Variants in COX20 observed in about 807,000 individuals in gnomAD.
The protein encoded by COX20 is cytochrome c oxidase assembly factor COX20, also known as cytochrome c oxidase assembly protein COX20, mitochondrial.
Under a neutral mutation model 14.3 loss-of-function variants are expected in COX20, and 14 were observed. That is an observed-to-expected ratio of 0.98 (90% CI 0.65 to 1.53). The LOEUF is 1.53. COX20 is among the 40% of genes most tolerant of loss of function. COX20 has a pLI of 0.00. For missense variants in COX20, 149 were observed against 142.1 expected (o/e 1.05, Z -0.25); for synonymous variants, 56 against 51.7 (o/e 1.08, Z -0.36).
rs1195563957 is a variant in COX20, at chr1:244,842,001, A to G, written c.100A>G (p.Ile34Val). The change falls in exon 2 of 4, where the codon ATA becomes GTA. Residue 34 changes from isoleucine (I) to valine (V), a missense_variant. Physicochemically the swap from Ile to Val is conservative, Grantham distance 29. Coordinates refer to ENST00000411948, the MANE Select transcript of COX20 (RefSeq NM_198076.6). ...AAATACTCCCTGCGCCCGGCATTCA[A>G]TATTGTATGGTTCATTAGGATCTGT... ...VENTPCARHS[I>V]LYGSLGSVVA... 1.9e-6 allele frequency: 3 copies of G among 1,612,356 alleles called. No homozygotes were observed. The highest frequency in any genetic ancestry group is 1.3e-5 in the African/African-American group (1 of 74,846).
chr1:244,835,924 C>CT (rs1457965328), intron 1 of COX20, among the ~76,000 whole-genome samples, 168 bp downstream of exon 1: 3 of 152,170 alleles, frequency 2.0e-5, no homozygotes, highest in African/African-American at 7.2e-5. Context: ...ACATTTTAAT[C>CT]TAAGTGGCCG....
chr1:244,835,682 G>A lies in COX20; in HGVS notation c.-33G>A. ...GGCTTCTGCTTCCGCGACCCCGGCG[G>A]TGCAGGGCGGGTGGAGTCGCGGAGT... is the stretch of plus-strand genomic sequence containing the variant. On this transcript the variant is annotated 5_prime_UTR_variant, in exon 1 of 4. It adds an upstream start codon to the 5' untranslated region. Coordinates refer to ENST00000411948, the MANE Select transcript of COX20 (RefSeq NM_198076.6). The A allele has an allele frequency of 8.0e-7, 1 of 1,244,022 alleles. No homozygotes were observed. Among genetic ancestry groups the A allele is most frequent in the Non-Finnish European group, 1.0e-6 (1 of 993,448 alleles). 77.1% of individuals were successfully genotyped at this position (1,244,022 alleles called of 1,614,324 possible).
In COX20 at chr1:244,835,744, CGAG is replaced by C. The variant is rs1026948029; in HGVS notation, c.34_36del (p.Glu12del). The C allele has an allele frequency of 1.3e-5, 16 of 1,271,150 alleles. No individual in the cohort carries two copies. Among genetic ancestry groups the C allele is most frequent in the South Asian group, 2.8e-5 (1 of 35,222 alleles). The allele number at this position is 1,271,150 out of a possible 1,614,324, so 78.7% of individuals were successfully genotyped here. The stretch of plus-strand genomic sequence containing the variant: ...CCGCCCCGCCGGAGCCCGGTGAGCC[CGAG>C]GAGAGGAAGGTAACCTGGGGGTCGG... On this transcript the variant is annotated inframe_deletion, in exon 1 of 4. Coordinates refer to ENST00000411948, the MANE Select transcript of COX20 (RefSeq NM_198076.6).
chr1:244,835,449 TCTC>T (rs1024644551), upstream of COX20: 1 of 359,376 alleles, frequency 2.8e-6, no homozygotes, highest in Non-Finnish European at 4.9e-6. Context: ...TCCGAACCCA[TCTC>T]CTTCCGCTCT....
chr1:244,835,736 G>T lies in COX20; in HGVS notation c.22G>T (p.Gly8Cys). ...CCTCATGGCCGCCCCGCCGGAGCCC[G>T]GTGAGCCCGAGGAGAGGAAGGTAAC... MAAPPEPGEPEERKSLKL... is the reference protein window; with the variant it reads MAAPPEPCEPEERKSLKL... The change falls in exon 1 of 4, where the codon GGT (glycine) becomes TGT (cysteine). Residue 8 changes from glycine (G) to cysteine (C), a missense_variant. By Grantham distance (159) the Gly-to-Cys change is radical. Coordinates refer to ENST00000411948, the MANE Select transcript of COX20 (RefSeq NM_198076.6). The T allele has an allele frequency of 7.8e-7, 1 of 1,274,654 alleles. No individual in the cohort carries two copies. The highest frequency in any genetic ancestry group is 2.8e-5 in the South Asian group (1 of 36,092). The allele number at this position is 1,274,654 out of a possible 1,614,324, so 79.0% of individuals were successfully genotyped here.
Position 244,842,270 on chromosome 1 carries a change from A to T in COX20, c.221+12A>T. ...ACTTTGGGATGCTGGTATGTTTGCT[A>T]AGTATTCAAGAACATCCATGATTAT... On this transcript the variant is annotated intron_variant, in intron 3 of 3. Coordinates refer to ENST00000411948, the MANE Select transcript of COX20 (RefSeq NM_198076.6). 4.5e-6 allele frequency: 7 copies of T among 1,566,418 alleles called. No homozygotes were observed. The highest frequency in any genetic ancestry group is 6.2e-6 in the Non-Finnish European group (7 of 1,136,616).
intron 1 of COX20, among the ~76,000 whole-genome samples, chr1:244,836,974 AAAG>A (rs1231321405): frequency 2.0e-5 from 3 of 152,210 alleles, no homozygotes; most frequent in Non-Finnish European, 2.9e-5. Context: ...AAAAAAAAAA[AAAG>A]ATCTTTGCAT....
rs766392214 is a variant in COX20 at position 244,842,183 on chromosome 1, T to A, written c.158-12T>A. On this transcript the variant is annotated splice_polypyrimidine_tract_variant and intron_variant, in intron 2 of 3. Transcript: ENST00000411948. ...ATTATATTCTAATTAATTGTTATGC[T>A]TATTTTTACAGGTAGAATTAGAAGA... 1 of 1,580,592 alleles carries A rather than the reference T, an allele frequency of 6.3e-7. No homozygotes were observed. The highest frequency in any genetic ancestry group is 2.2e-5 in the East Asian group (1 of 44,714).
At position 244,843,053 on chromosome 1, in the gene COX20, G is replaced by A. The variant is rs747702163; in HGVS notation, c.234G>A (p.Arg78=). ...CTTTTCTTCTAAGGTTTCATTGTAG[G>A]TATAATTATGCAAAGCAAAGAATCC... is the stretch of plus-strand genomic sequence containing the variant. The part of the protein sequence containing the change: ...LVTLGCWFHC[R]YNYAKQRIQE... Residue 78 remains arginine, a synonymous_variant, in exon 4 of 4, where the codon AGG becomes AGA. Transcript: ENST00000411948. 1.8e-5 allele frequency: 29 copies of A among 1,569,412 alleles called. No individual in the cohort carries two copies. In the East Asian group the frequency reaches 3.4e-4, roughly 19 times the overall value.
intron 1 of COX20, chr1:244,836,559 T>G (rs1453851705): frequency 6.6e-7 from 1 of 1,517,878 alleles, no homozygotes; most frequent in Admixed American, 2.0e-5. Flanking sequence ...CCTGGGCTCC[T>G]TATTAAGAGC....
At position 244,843,945 on chromosome 1, in the gene COX20, C is replaced by A. The variant is rs1030363302; in HGVS notation, c.*769C>A. Reference sequence around the variant, plus strand: ...AACTAAATCCTCAGGATTTATTCTCCGGGAGAAATTATCCCTTTCTAGGAA... The same window carrying A: ...AACTAAATCCTCAGGATTTATTCTCAGGGAGAAATTATCCCTTTCTAGGAA... On this transcript the variant is annotated 3_prime_UTR_variant, in exon 4 of 4. Transcript: ENST00000411948. 1 of 152,230 alleles carries A rather than the reference C, an allele frequency of 6.6e-6. No individual in the cohort carries two copies. Among genetic ancestry groups the A allele is most frequent in the Non-Finnish European group, 1.5e-5 (1 of 68,022 alleles). The allele number at this position is 152,230 out of a possible 1,614,324, so 9.4% of individuals were successfully genotyped here.
In COX20 at chr1:244,837,318, T is replaced by C. The variant is rs534263190; in HGVS notation, c.42+1562T>C. Among the ~76,000 whole-genome samples the C allele has an allele frequency of 2.0e-5, 3 of 152,210 alleles. No individual in the cohort carries two copies. The South Asian group carries it at 6.2e-4, about 32-fold the overall frequency. ...AAAAGCTAATTAAATTAATAGAAGC[T>C]ATGATGAATTAACAGCCCAAGGTGC... On this transcript the variant is annotated intron_variant, in intron 1 of 3. Transcript: ENST00000411948.
Position 244,843,275 on chromosome 1 carries a change from G to C in COX20, c.*99G>C. 7.2e-7 allele frequency: 1 copy of C among 1,388,868 alleles called. No homozygotes were observed. Among genetic ancestry groups the C allele is most frequent in the East Asian group, 2.6e-5 (1 of 38,120 alleles). The allele number at this position is 1,388,868 out of a possible 1,614,324, so 86.0% of individuals were successfully genotyped here. On this transcript the variant is annotated 3_prime_UTR_variant, in exon 4 of 4. Coordinates refer to ENST00000411948, the MANE Select transcript of COX20 (RefSeq NM_198076.6). ...TCTCAATCAAGTAAATAAAGTTTAAGTTGTAGTCATTTTTTTCCCACACTT... is the reference window on the plus strand; with the variant it reads ...TCTCAATCAAGTAAATAAAGTTTAACTTGTAGTCATTTTTTTCCCACACTT...
rs192100928 is a variant in COX20 at position 244,835,765 on chromosome 1, G to A, written c.42+9G>A. On this transcript the variant is annotated intron_variant, in intron 1 of 3. Coordinates refer to ENST00000411948, the MANE Select transcript of COX20 (RefSeq NM_198076.6). ...AGCCCGAGGAGAGGAAGGTAACCTG[G>A]GGGTCGGCGGGGCGCGCGCCGCGGG... 26,054 of 1,255,116 alleles carry A rather than the reference G, an allele frequency of 0.021. 307 individuals carry two copies. The highest frequency in any genetic ancestry group is 0.03 in the Middle Eastern group (124 of 4,168). The allele number at this position is 1,255,116 out of a possible 1,614,324, so 77.7% of individuals were successfully genotyped here.
chr1:244,835,694 TG>T lies in COX20; in HGVS notation c.-19del. On this transcript the variant is annotated 5_prime_UTR_variant, in exon 1 of 4. Coordinates refer to ENST00000411948, the MANE Select transcript of COX20 (RefSeq NM_198076.6). ...CGCGACCCCGGCGGTGCAGGGCGGG[TG>T]GAGTCGCGGAGTAGTCCTCATGGCC... 8.0e-7 allele frequency: 1 copy of T among 1,250,840 alleles called. No individual in the cohort carries two copies. The highest frequency in any genetic ancestry group is 3.2e-5 in the South Asian group (1 of 31,138). The allele number at this position is 1,250,840 out of a possible 1,614,324, so 77.5% of individuals were successfully genotyped here. A position where few individuals can be genotyped will look rare whatever the true frequency, so the allele number is the denominator to read the frequency against.
intron 3 of COX20, 139 bp from the exon 4 acceptor site, chr1:244,842,902 C>A: frequency 1.6e-6 from 1 of 609,084 alleles, no homozygotes; most frequent in Non-Finnish European, 2.7e-6. Flanking sequence ...CCAAAAATAG[C>A]ACTATAAATT....
At chr1:244,835,407 A>T, upstream of COX20, 2 of 321,750 alleles carry the variant, frequency 6.2e-6, no homozygotes, top group Non-Finnish European at 1.1e-5. Flanking sequence ...TTACGCCCCC[A>T]CCTCGCCAGG....
At chr1:244,835,803 A>G in intron 1 of COX20, 47 bp downstream of exon 1, 1 of 1,227,502 alleles carries the variant, frequency 8.1e-7, no homozygotes, top group Non-Finnish European at 1.0e-6. Context: ...GGCGGTGGGT[A>G]AGGACGTTCT....
In COX20 at chr1:244,842,061, G is replaced by C. The variant is rs367956888; in HGVS notation, c.157+3G>C. On this transcript the variant is annotated splice_donor_region_variant and intron_variant, in intron 2 of 3. Coordinates refer to ENST00000411948, the MANE Select transcript of COX20 (RefSeq NM_198076.6). ...CTTTGGACATTTTTTGTTCACTAGT[G>C]AGTATCTGTATTTTTTATTTCTCTA... 8.8e-4 allele frequency: 1,391 copies of C among 1,587,306 alleles called. No homozygotes were observed. Among genetic ancestry groups the C allele is most frequent in the Non-Finnish European group, 1.1e-3 (1,308 of 1,156,866 alleles).
Sources: allele counts gnomAD v4.1 joint callset (sites outside exome capture counted in the v4.1 genomes callset), GRCh38; gene constraint gnomAD v4.1.1; transcripts MANE v1.5; gene names NCBI Gene and HGNC (gene_info 2026-07-23, HGNC 2026-07-21).